Variants in SCHIP1 observed in about 807,000 individuals in gnomAD.
The protein encoded by SCHIP1 is schwannomin interacting protein 1.
In SCHIP1, 8 loss-of-function variants were observed where a neutral mutation model predicts 29.7. The ratio of observed to expected loss-of-function variants is 0.27; its 90% CI spans 0.16 to 0.49. SCHIP1 has a LOEUF of 0.49. Ranked by LOEUF, SCHIP1 falls within the 20% of genes least tolerant of loss-of-function variation. SCHIP1 has a pLI of 0.99. For synonymous variants in SCHIP1, 76 were observed against 94.9 expected, an observed-to-expected ratio of 0.80 and a Z score of 1.16; for missense variants, 193 against 294.6, an observed-to-expected ratio of 0.66 and a Z score of 2.52.
chr3:159,524,614 T>C, the SCHIP1 span, among the ~76,000 whole-genome samples: 1 of 152,172 alleles, frequency 6.6e-6, no homozygotes, highest in Non-Finnish European at 1.5e-5. Flanking sequence ...CATAGACATA[T>C]AAGCCAGGCT....
the SCHIP1 span, among the ~76,000 whole-genome samples, chr3:159,494,106 T>C: frequency 6.6e-6 from 1 of 152,164 alleles, no homozygotes; most frequent in Non-Finnish European, 1.5e-5. Flanking sequence ...CAAAGCAGTG[T>C]GTAGAGGGAA....
At chr3:159,409,281 T>A in the SCHIP1 span, among the ~76,000 whole-genome samples, 1 of 151,904 alleles carries the variant, frequency 6.6e-6, no homozygotes, top group Non-Finnish European at 1.5e-5. Context: ...CTGGAATTCC[T>A]AGCTAGAGCA....
chr3:159,492,497 A>G, the SCHIP1 span, among the ~76,000 whole-genome samples: 1 of 152,240 alleles, frequency 6.6e-6, no homozygotes, highest in Non-Finnish European at 1.5e-5. Flanking sequence ...AAGAAAGGGT[A>G]TCAGCGATGG....
chr3:159,309,474 CA>C, the SCHIP1 span, among the ~76,000 whole-genome samples: 1 of 152,076 alleles, frequency 6.6e-6, no homozygotes, highest in African/African-American at 2.4e-5. Context: ...ACACAATTTC[CA>C]CAAGACAAAT....
chr3:159,686,050 A>G, the SCHIP1 span, among the ~76,000 whole-genome samples: 1 of 152,194 alleles, frequency 6.6e-6, no homozygotes, highest in Admixed American at 6.5e-5. Context: ...GATGGAAATC[A>G]TATCCCAAGG....
the SCHIP1 span, among the ~76,000 whole-genome samples, chr3:159,789,186 C>T: frequency 6.6e-6 from 1 of 152,106 alleles, no homozygotes; most frequent in African/African-American, 2.4e-5. Context: ...GTTTCGAGGG[C>T]TGGCAAGTCC....
At chr3:159,680,248 C>T in the SCHIP1 span, among the ~76,000 whole-genome samples, 35 of 151,868 alleles carry the variant, frequency 2.3e-4, no homozygotes, top group East Asian at 4.7e-3. Flanking sequence ...CGGTGGCTAA[C>T]GCCTGTAATC....
the SCHIP1 span, chr3:159,765,259 TG>T: frequency 8.5e-7 from 1 of 1,181,580 alleles, no homozygotes; most frequent in Non-Finnish European, 1.1e-6. Flanking sequence ...TCCTCGAGGG[TG>T]GGGGCCAGGC....
the SCHIP1 span, among the ~76,000 whole-genome samples, chr3:159,299,586 G>A: frequency 6.6e-6 from 1 of 152,158 alleles, no homozygotes; most frequent in Admixed American, 6.5e-5. Context: ...AAAAATGTGT[G>A]TTCCTCATTT....
the SCHIP1 span, among the ~76,000 whole-genome samples, chr3:159,497,969 C>T: frequency 6.6e-6 from 1 of 152,128 alleles, no homozygotes; most frequent in South Asian, 2.1e-4. Context: ...TAAACCATTA[C>T]TGGAAGGGCA....
the SCHIP1 span, among the ~76,000 whole-genome samples, chr3:159,462,395 C>T: frequency 2.6e-5 from 4 of 152,074 alleles, no homozygotes; most frequent in African/African-American, 9.7e-5. Flanking sequence ...CTGACTGTGA[C>T]CCTTAGCAAG....
At chr3:159,718,748 G>A in the SCHIP1 span, among the ~76,000 whole-genome samples, 2 of 152,148 alleles carry the variant, frequency 1.3e-5, no homozygotes, top group East Asian at 3.9e-4. Context: ...CAAACAAATG[G>A]AAGAACATTC....
chr3:159,422,525 A>G, the SCHIP1 span, among the ~76,000 whole-genome samples: 1 of 152,088 alleles, frequency 6.6e-6, no homozygotes, highest in Non-Finnish European at 1.5e-5. Flanking sequence ...GTGAATTCCC[A>G]CAACCTGAAT....
the SCHIP1 span, among the ~76,000 whole-genome samples, chr3:159,316,044 G>T: frequency 6.6e-6 from 1 of 152,124 alleles, no homozygotes; most frequent in East Asian, 1.9e-4. Context: ...GTGAGACTAA[G>T]TCTGAGGCAA....
the SCHIP1 span, among the ~76,000 whole-genome samples, chr3:159,696,920 C>A: frequency 6.6e-6 from 1 of 152,168 alleles, no homozygotes; most frequent in Non-Finnish European, 1.5e-5. Context: ...GGCAAGACAG[C>A]AAGATGGAGC....
chr3:159,660,572 A>G, the SCHIP1 span, among the ~76,000 whole-genome samples: 1,303 of 152,290 alleles, frequency 8.6e-3, 13 homozygotes, highest in Non-Finnish European at 8.1e-3. Context: ...TACATAAAAC[A>G]TATGCACACA....
chr3:159,302,003 T>G, the SCHIP1 span, among the ~76,000 whole-genome samples: 4 of 152,344 alleles, frequency 2.6e-5, no homozygotes, highest in South Asian at 6.2e-4. Context: ...TTCCAAGTAG[T>G]TTTCATTTTC....
At chr3:159,582,510 T>A in the SCHIP1 span, among the ~76,000 whole-genome samples, 15 of 152,160 alleles carry the variant, frequency 9.9e-5, no homozygotes, top group African/African-American at 3.4e-4. Flanking sequence ...ATAAAGTATT[T>A]TTTTTAATAA....
chr3:159,886,603 A>G (rs1225571151), intron 3 of SCHIP1: 1 of 298,666 alleles, frequency 3.3e-6, no homozygotes, highest in African/African-American at 2.2e-5. Flanking sequence ...CTCTATAAAA[A>G]AATACAAACA....
Sources: allele counts gnomAD v4.1 joint callset (sites outside exome capture counted in the v4.1 genomes callset), GRCh38; gene constraint gnomAD v4.1.1; transcripts MANE v1.5; gene names NCBI Gene and HGNC (gene_info 2026-07-23, HGNC 2026-07-21).